PPP1R42: variants seen among roughly 807,000 people sequenced by gnomAD.
The protein encoded by PPP1R42 is protein phosphatase 1 regulatory subunit 42.
Under a neutral mutation model 31.0 loss-of-function variants are expected in PPP1R42, and 34 were observed. That is an observed-to-expected ratio of 1.10 (90% CI 0.83 to 1.46). The LOEUF (loss-of-function observed/expected upper bound fraction) is 1.46. PPP1R42 is among the 40% of genes most tolerant of loss of function. The pLI, the probability that PPP1R42 is intolerant of heterozygous loss-of-function variation, is 0.00. For synonymous variants in PPP1R42, 103 were observed against 109.8 expected (o/e 0.94, Z 0.39); for missense variants, 268 against 303.0 (o/e 0.88, Z 0.86).
At chr8:66,976,066 C>CTAAT (rs1400914321) in intron 7 of PPP1R42, among the ~76,000 whole-genome samples, 12 of 152,180 alleles carry the variant, frequency 7.9e-5, no homozygotes, top group Admixed American at 2.0e-4. Context: ...CCATAACTCG[C>CTAAT]ATTACCACCT....
At chr8:66,984,606 G>T (rs746200865) in intron 6 of PPP1R42, 38 of 1,186,948 alleles carry the variant, frequency 3.2e-5, no homozygotes, top group Non-Finnish European at 4.8e-5. Flanking sequence ...ACAGATACGT[G>T]TACCCCCTGT....
intron 3 of PPP1R42, 45 bp from the exon 4 acceptor site, chr8:67,013,141 CA>C: frequency 4.7e-6 from 7 of 1,500,308 alleles, no homozygotes; most frequent in Non-Finnish European, 6.2e-6. Context: ...CTGAGAATGT[CA>C]TGGTCTTTAT....
At chr8:66,977,297 T>C in intron 7 of PPP1R42, among the ~76,000 whole-genome samples, 1 of 151,514 alleles carries the variant, frequency 6.6e-6, no homozygotes, top group East Asian at 1.9e-4. Context: ...CCTCCCAAAG[T>C]GCTGGGATTA....
At chr8:67,018,856 G>T (rs1816111703) in intron 1 of PPP1R42, among the ~76,000 whole-genome samples, 1 of 110,132 alleles carries the variant, frequency 9.1e-6, no homozygotes, top group South Asian at 2.8e-4. Context: ...TAGGGACGGA[G>T]TCTTGCTCTG....
chr8:66,995,392 G>T (rs574501231), intron 5 of PPP1R42, among the ~76,000 whole-genome samples: 4 of 152,302 alleles, frequency 2.6e-5, no homozygotes, highest in East Asian at 3.9e-4. Flanking sequence ...GGAAGTAAAA[G>T]AACTTAAGAT....
intron 1 of PPP1R42, among the ~76,000 whole-genome samples, chr8:67,020,211 G>GT (rs1311577508): frequency 6.6e-6 from 1 of 151,440 alleles, no homozygotes; most frequent in African/African-American, 2.4e-5. Flanking sequence ...TGTTGTTGTT[G>GT]TTTTTTTTGA....
intron 5 of PPP1R42, among the ~76,000 whole-genome samples, chr8:67,006,389 C>T (rs1815675312): frequency 6.6e-6 from 1 of 152,160 alleles, no homozygotes; most frequent in Non-Finnish European, 1.5e-5. Context: ...AATCACAGTT[C>T]ACTGCTTCAC....
Position 67,017,813 on chromosome 8 carries a change from A to T in PPP1R42, c.-66T>A. ...TGACACCATGTCAAGAAGTAGGTTT[A>T]GGTATTATTTCCAACTTTCTGAAGA... On this transcript the variant is annotated 5_prime_UTR_variant, in exon 2 of 8. Coordinates refer to ENST00000685739, the MANE Select transcript of PPP1R42 (RefSeq NM_001364910.1). The T allele has an allele frequency of 2.1e-6, 3 of 1,460,444 alleles. No individual in the cohort carries two copies. Among genetic ancestry groups the T allele is most frequent in the African/African-American group, 2.9e-5 (2 of 69,390 alleles). The allele number at this position is 1,460,444 out of a possible 1,614,324, so 90.5% of individuals were successfully genotyped here. A position where few individuals can be genotyped will look rare whatever the true frequency, so the allele number is the denominator to read the frequency against.
intron 7 of PPP1R42, among the ~76,000 whole-genome samples, chr8:66,976,966 A>G (rs568144920): frequency 6.6e-6 from 1 of 151,126 alleles, no homozygotes; most frequent in Admixed American, 6.6e-5. Context: ...TTCTTTTTTT[A>G]ATTCAAGGAA....
At position 66,979,715 on chromosome 8, in the gene PPP1R42, C is replaced by T. The variant is rs1814774621; in HGVS notation, c.802+2334G>A. Among the ~76,000 whole-genome samples, 5 of 152,064 alleles carry T rather than the reference C, an allele frequency of 3.3e-5. No individual in the cohort carries two copies. The South Asian group carries it at 1.0e-3, about 32-fold the overall frequency. ...TTGCTTTGGTTATTGGGGTTCCACACACATTTTAGGATTTTTTTTCTATTT... is the reference window on the plus strand; with the variant it reads ...TTGCTTTGGTTATTGGGGTTCCACATACATTTTAGGATTTTTTTTCTATTT... On this transcript the variant is annotated intron_variant, in intron 7 of 7. Transcript: ENST00000685739.
chr8:67,024,690 G>T (rs893966882), intron 1 of PPP1R42, among the ~76,000 whole-genome samples: 1 of 151,664 alleles, frequency 6.6e-6, no homozygotes, highest in African/African-American at 2.4e-5. Context: ...TGTTAGCCAG[G>T]ATGGCCTCCA....
intron 3 of PPP1R42, among the ~76,000 whole-genome samples, chr8:67,013,755 G>T (rs1282893667): frequency 6.6e-6 from 1 of 151,992 alleles, no homozygotes; most frequent in Non-Finnish European, 1.5e-5. Context: ...GAAGATATCT[G>T]GGCCTAACCC....
chr8:66,965,104 G>GT (rs1316850979), intron 7 of PPP1R42, among the ~76,000 whole-genome samples: 2 of 152,066 alleles, frequency 1.3e-5, no homozygotes, highest in African/African-American at 4.8e-5. Context: ...GTTGTTGAGT[G>GT]TATCACTAGT....
At chr8:67,027,946 GTTTT>G (rs1384924408) in intron 1 of PPP1R42, among the ~76,000 whole-genome samples, 2 of 151,800 alleles carry the variant, frequency 1.3e-5, no homozygotes, top group African/African-American at 4.8e-5. Flanking sequence ...GGTGTTTTTT[GTTTT>G]TTTGTTTGTT....
intron 7 of PPP1R42, among the ~76,000 whole-genome samples, chr8:66,976,076 T>C (rs1814663480): frequency 6.6e-6 from 1 of 152,190 alleles, no homozygotes; most frequent in South Asian, 2.1e-4. Context: ...CATTACCACC[T>C]GAGCTCTGCC....
chr8:66,989,784 TC>T (rs1222915325), intron 5 of PPP1R42, among the ~76,000 whole-genome samples: 15 of 152,224 alleles, frequency 9.9e-5, no homozygotes, highest in Non-Finnish European at 1.9e-4. Context: ...ATCCTAAACT[TC>T]CTGGCACTGC....
At chr8:66,986,125 G>A (rs1376634330) in intron 6 of PPP1R42, 2 of 682,700 alleles carry the variant, frequency 2.9e-6, no homozygotes, top group South Asian at 1.4e-5. Context: ...GCAGTTCAAT[G>A]CTGCTGTGAC....
intron 7 of PPP1R42, among the ~76,000 whole-genome samples, chr8:66,972,247 TG>T (rs1814558504): frequency 6.6e-6 from 1 of 152,142 alleles, no homozygotes; most frequent in Non-Finnish European, 1.5e-5. Context: ...TCTGTTTGGA[TG>T]GGGATGGCAA....
At chr8:67,011,872 G>GA (rs1563429639) in intron 4 of PPP1R42, among the ~76,000 whole-genome samples, 1 of 152,034 alleles carries the variant, frequency 6.6e-6, no homozygotes, top group Non-Finnish European at 1.5e-5. Context: ...CCAACCTTTA[G>GA]AAAAAATATT....
Sources: gnomAD v4.1 joint callset for allele counts (sites outside exome capture counted in the v4.1 genomes callset) on GRCh38, gnomAD v4.1.1 for gene constraint, MANE v1.5 for transcripts, NCBI Gene and HGNC (gene_info 2026-07-23, HGNC 2026-07-21) for gene names.